Variants in UGGT1 observed in about 807,000 individuals in gnomAD.
The protein encoded by UGGT1 is UDP-glucose:glycoprotein glucosyltransferase 1.
Under a neutral mutation model 203.9 loss-of-function variants are expected in UGGT1, and 107 were observed. That is an observed-to-expected ratio of 0.52 (90% CI 0.45 to 0.62). The LOEUF is 0.62. UGGT1 is among the 20% of genes least tolerant of loss of function. The pLI is 0.00. For missense variants in UGGT1, 1,673 were observed against 1,867.2 expected (o/e 0.90, Z 1.92); for synonymous variants, 628 against 653.5 (o/e 0.96, Z 0.59).
At chr2:128,189,407 T>A (rs996759989) in intron 40 of UGGT1, among the ~76,000 whole-genome samples, 54 of 152,228 alleles carry the variant, frequency 3.5e-4, no homozygotes, top group Non-Finnish European at 5.9e-4. Flanking sequence ...GTTTAGATGC[T>A]ATTAAATGAT....
chr2:128,184,553 T>G (rs1455282718), intron 38 of UGGT1, among the ~76,000 whole-genome samples: 1 of 152,202 alleles, frequency 6.6e-6, no homozygotes, highest in African/African-American at 2.4e-5. Flanking sequence ...GCATCACGAC[T>G]TTTATGGTAA....
At chr2:128,136,617 A>C (rs1395183679) in intron 15 of UGGT1, among the ~76,000 whole-genome samples, 1 of 152,214 alleles carries the variant, frequency 6.6e-6, no homozygotes, top group Non-Finnish European at 1.5e-5. Context: ...ACTTAATTGA[A>C]AGATACCTTG....
chr2:128,143,513 T>C (rs1689538074), intron 17 of UGGT1, among the ~76,000 whole-genome samples: 1 of 152,220 alleles, frequency 6.6e-6, no homozygotes, highest in African/African-American at 2.4e-5. Flanking sequence ...TTATTGTGGA[T>C]GATTATGATA....
chr2:128,137,565 A>G (rs1689188605), intron 15 of UGGT1, among the ~76,000 whole-genome samples: 2 of 152,234 alleles, frequency 1.3e-5, no homozygotes. Context: ...AGTGAAGTCC[A>G]AATTAACCAA....
intron 30 of UGGT1, 92 bp downstream of exon 30, chr2:128,174,031 G>C: frequency 6.9e-7 from 1 of 1,440,936 alleles, no homozygotes; most frequent in East Asian, 2.3e-5. Context: ...CTTAACCATA[G>C]AGTGAGATTA....
rs182518545 is a variant in UGGT1 at position 128,178,390 on chromosome 2, C to G, written c.3714-78C>G. On this transcript the variant is annotated intron_variant, in intron 33 of 40. Coordinates refer to ENST00000259253, the MANE Select transcript of UGGT1 (RefSeq NM_020120.4). ...GCTAGGGAAGGATGGGAAGCGCAGT[C>G]TCTTTCCTCTTACTTTCAAAGGCCG... 42 of 1,243,718 alleles carry G rather than the reference C, an allele frequency of 3.4e-5. 1 individual carries two copies. The African/African-American group carries it at 6.1e-4, about 18-fold the overall frequency. The allele number at this position is 1,243,718 out of a possible 1,614,324, so 77.0% of individuals were successfully genotyped here.
intron 2 of UGGT1, among the ~76,000 whole-genome samples, chr2:128,098,911 A>C (rs527841058): frequency 6.6e-6 from 1 of 152,258 alleles, no homozygotes; most frequent in South Asian, 2.1e-4. Flanking sequence ...ATATAATGAG[A>C]TACCTGTCTG....
At chr2:128,133,307 C>G in intron 14 of UGGT1, 47 bp downstream of exon 14, 2 of 1,601,168 alleles carry the variant, frequency 1.2e-6, no homozygotes, top group South Asian at 1.1e-5. Flanking sequence ...TCTCCCTTGC[C>G]TAGTCCCTCT....
At chr2:128,161,635 C>G (rs894493085) in intron 25 of UGGT1, among the ~76,000 whole-genome samples, 12 of 152,048 alleles carry the variant, frequency 7.9e-5, no homozygotes, top group African/African-American at 2.9e-4. Flanking sequence ...TTATTTTGTT[C>G]AGGAAAGGAA....
At position 128,097,448 on chromosome 2, in the gene UGGT1, A is replaced by G; in HGVS notation, c.78A>G (p.Gly26=). The change falls in exon 2 of 41, where the codon GGA becomes GGG. Residue 26 remains glycine, a synonymous_variant. Transcript: ENST00000259253. The stretch of plus-strand genomic sequence containing the variant: ...TTTTAGGAGTTTGCTATAAAATGGG[A>G]GTTCTGGTTGTACTCACTGTTCTGT... The part of the protein sequence containing the change: ...LPVTGVCYKM[G]VLVVLTVLWL... 2 of 1,610,614 alleles carry G rather than the reference A, an allele frequency of 1.2e-6. No homozygotes were observed. Among genetic ancestry groups the G allele is most frequent in the Non-Finnish European group, 1.7e-6 (2 of 1,179,094 alleles).
intron 12 of UGGT1, 95 bp from the exon 13 acceptor site, chr2:128,128,934 C>T: frequency 8.4e-7 from 1 of 1,193,414 alleles, no homozygotes; most frequent in Non-Finnish European, 1.1e-6. Context: ...TTTGATTTGG[C>T]ATTGAGGTTG....
intron 2 of UGGT1, among the ~76,000 whole-genome samples, chr2:128,102,128 T>C (rs1480779027): frequency 6.6e-6 from 1 of 151,854 alleles, no homozygotes; most frequent in Non-Finnish European, 1.5e-5. Context: ...AGACATCATA[T>C]AGTTTGTAAA....
chr2:128,091,252 C>A lies in UGGT1; in HGVS notation c.-106C>A. ...GTGTTGAGTCGAGCCGCGGGAAAGG[C>A]GCGTGTCGGCCTCTCACTGGCGCAG... On this transcript the variant is annotated 5_prime_UTR_variant, in exon 1 of 41. Transcript: ENST00000259253. 8.1e-7 allele frequency: 1 copy of A among 1,231,518 alleles called. No homozygotes were observed. The highest frequency in any genetic ancestry group is 1.1e-6 in the Non-Finnish European group (1 of 917,386). The allele number at this position is 1,231,518 out of a possible 1,614,324, so 76.3% of individuals were successfully genotyped here.
At position 128,194,899 on chromosome 2, in the gene UGGT1, C is replaced by T. The variant is rs1692445536; in HGVS notation, c.*5157C>T. The T allele has an allele frequency of 6.6e-6, 1 of 152,144 alleles. No homozygotes were observed. The highest frequency in any genetic ancestry group is 2.4e-5 in the African/African-American group (1 of 41,430). 9.4% of individuals were successfully genotyped at this position (152,144 alleles called of 1,614,324 possible). A position where few individuals can be genotyped will look rare whatever the true frequency, so the allele number is the denominator to read the frequency against. On this transcript the variant is annotated 3_prime_UTR_variant, in exon 41 of 41. Transcript: ENST00000259253. The stretch of plus-strand genomic sequence containing the variant: ...TTCTCTATATACAGAAATGAAATGA[C>T]ACTTCTGGGAGGCAGTAGAAGCAGG...
chr2:128,150,267 C>T (rs769005217), intron 18 of UGGT1, among the ~76,000 whole-genome samples: 62 of 152,190 alleles, frequency 4.1e-4, no homozygotes, highest in Non-Finnish European at 2.5e-4. Flanking sequence ...GAGACCTCAT[C>T]TCTACAAAAT....
chr2:128,145,987 TG>T lies in UGGT1; in HGVS notation c.2016+21del. ...TACTTGGTGAGTCACGTTTCAAGGC[TG>T]ATTTTTTAAAGAGAACAGTTGGCTT... On this transcript the variant is annotated intron_variant, in intron 18 of 40. Transcript: ENST00000259253. 1.2e-6 allele frequency: 2 copies of T among 1,613,212 alleles called. No individual in the cohort carries two copies.
intron 16 of UGGT1, 44 bp downstream of exon 16, chr2:128,138,896 C>G (rs1351447742): frequency 6.2e-7 from 1 of 1,609,878 alleles, no homozygotes; most frequent in Admixed American, 1.7e-5. Flanking sequence ...TCAGATCTAA[C>G]TTACTCTTAA....
Position 128,133,178 on chromosome 2 carries a change from C to T in UGGT1, c.1415C>T (p.Ser472Leu), listed in dbSNP as rs183821104. The change falls in exon 14 of 41, where the codon TCG (serine) becomes TTG (leucine). Residue 472 changes from serine (S) to leucine (L), a missense_variant. Coordinates refer to ENST00000259253, the MANE Select transcript of UGGT1 (RefSeq NM_020120.4). ...NNLEVDSRYN[S>L]WPSSLQELLR... Reference sequence around the variant, plus strand: ...CTGGAGGTTGATAGCAGATATAATTCGTGGCCTTCTAGTTTACAAGAGTTG... The same window carrying T: ...CTGGAGGTTGATAGCAGATATAATTTGTGGCCTTCTAGTTTACAAGAGTTG... 9.4e-5 allele frequency: 151 copies of T among 1,613,996 alleles called. No individual in the cohort carries two copies. Among genetic ancestry groups the T allele is most frequent in the Middle Eastern group, 8.2e-4 (5 of 6,062 alleles).
In UGGT1 at chr2:128,127,471, A is replaced by AT; in HGVS notation, c.1226+21dup. 1 of 1,581,790 alleles carries AT rather than the reference A, an allele frequency of 6.3e-7. No individual in the cohort carries two copies. The highest frequency in any genetic ancestry group is 1.4e-5 in the African/African-American group (1 of 74,024). On this transcript the variant is annotated intron_variant, in intron 12 of 40. Coordinates refer to ENST00000259253, the MANE Select transcript of UGGT1 (RefSeq NM_020120.4). ...TATTCAGGTATGGATAATATTTTTC[A>AT]TTCTCTGAAAAGTTTTTGTAATGCG... is the stretch of plus-strand genomic sequence containing the variant.
Sources: gnomAD v4.1 joint callset for allele counts (sites outside exome capture counted in the v4.1 genomes callset) on GRCh38, gnomAD v4.1.1 for gene constraint, MANE v1.5 for transcripts, NCBI Gene and HGNC (gene_info 2026-07-23, HGNC 2026-07-21) for gene names.